The following LIMD1 variants were observed in gnomAD, a reference collection of about 807,000 sequenced individuals.
The protein encoded by LIMD1 is LIM domain-containing protein 1.
Under a neutral mutation model 58.4 loss-of-function variants are expected in LIMD1, and 23 were observed. The ratio of observed to expected loss-of-function variants is 0.39; its 90% confidence interval spans 0.28 to 0.56. The LOEUF (loss-of-function observed/expected upper bound fraction) is 0.56, where lower values mean the gene tolerates loss of function less well. Among genes scored for constraint, LIMD1 ranks in the 20% least tolerant of loss-of-function variants. LIMD1 has a pLI of 0.57. For missense variants in LIMD1, 838 were observed against 855.5 expected, an observed-to-expected ratio of 0.98 and a Z score of 0.25; for synonymous variants, 334 against 345.5, an observed-to-expected ratio of 0.97 and a Z score of 0.37.
intron 2 of LIMD1, among the ~76,000 whole-genome samples, chr3:45,658,249 A>G (rs1293651085): frequency 1.3e-5 from 2 of 152,172 alleles, no homozygotes; most frequent in Non-Finnish European, 2.9e-5. Context: ...CTTCAGAGCA[A>G]ACTAAGCCCC....
chr3:45,672,934 C>A, intron 5 of LIMD1, 114 bp downstream of exon 5: 1 of 1,261,732 alleles, frequency 7.9e-7, no homozygotes, highest in Non-Finnish European at 1.1e-6. Flanking sequence ...AGATCACAGT[C>A]CAGCAAAGGC....
chr3:45,669,192 C>T (rs913987678), intron 4 of LIMD1, among the ~76,000 whole-genome samples: 16 of 152,278 alleles, frequency 1.1e-4, no homozygotes, highest in African/African-American at 3.9e-4. Flanking sequence ...GGCTTCAGGT[C>T]TTCAGTGGGG....
intron 1 of LIMD1, chr3:45,634,867 G>T (rs930513357): frequency 6.6e-6 from 1 of 152,336 alleles, no homozygotes; most frequent in South Asian, 2.1e-4. Context: ...GACACCCAGA[G>T]AGCTGATCAC....
At chr3:45,606,883 T>C (rs935671863) in intron 1 of LIMD1, among the ~76,000 whole-genome samples, 1 of 152,146 alleles carries the variant, frequency 6.6e-6, no homozygotes, top group East Asian at 1.9e-4. Context: ...CAACCTTGCT[T>C]CCGAGTTTCA....
At chr3:45,661,802 A>T (rs922770668) in intron 2 of LIMD1, among the ~76,000 whole-genome samples, 7 of 152,226 alleles carry the variant, frequency 4.6e-5, no homozygotes, top group African/African-American at 1.4e-4. Flanking sequence ...TCTATTGCCC[A>T]GGCTGGCGTG....
intron 1 of LIMD1, among the ~76,000 whole-genome samples, chr3:45,614,568 A>C (rs267226): frequency 0.58 from 88,375 of 151,290 alleles, 26,627 homozygotes; most frequent in Non-Finnish European, 0.67. Flanking sequence ...ACGAAAAATA[A>C]AAAAATTAGC....
chr3:45,598,862 G>A (rs573374337), intron 1 of LIMD1, among the ~76,000 whole-genome samples: 2 of 152,328 alleles, frequency 1.3e-5, no homozygotes, highest in African/African-American at 4.8e-5. Flanking sequence ...TGTAGGCCTG[G>A]TCTGTGCTGG....
In LIMD1 at chr3:45,678,399, A is replaced by AAT. The variant is rs1211603747; in HGVS notation, c.*1340_*1341insAT. On this transcript the variant is annotated 3_prime_UTR_variant, in exon 8 of 8. Coordinates refer to ENST00000273317, the MANE Select transcript of LIMD1 (RefSeq NM_014240.3). ...GGTCAGTGGGGAATAGATCCGATTC[A>AAT]GTGCTTTTGCCTTATGCATTTCAGC... 6.6e-6 allele frequency: 1 copy of AAT among 152,656 alleles called. No individual in the cohort carries two copies. Among genetic ancestry groups the AAT allele is most frequent in the Non-Finnish European group, 1.5e-5 (1 of 68,068 alleles). The allele number at this position is 152,656 out of a possible 1,614,324, so 9.5% of individuals were successfully genotyped here.
At chr3:45,673,696 T>A (rs947815199) in intron 6 of LIMD1, 191 bp downstream of exon 6, 1 of 611,036 alleles carries the variant, frequency 1.6e-6, no homozygotes, top group African/African-American at 1.8e-5. Context: ...GGAAAATTGC[T>A]TGAGGCCTGG....
At chr3:45,629,151 C>T (rs1413149387) in intron 1 of LIMD1, among the ~76,000 whole-genome samples, 3 of 152,036 alleles carry the variant, frequency 2.0e-5, no homozygotes, top group South Asian at 2.1e-4. Flanking sequence ...CGGTGGTTCA[C>T]GCCTGTATTC....
At chr3:45,614,028 C>A (rs1000996590) in intron 1 of LIMD1, among the ~76,000 whole-genome samples, 2 of 152,144 alleles carry the variant, frequency 1.3e-5, no homozygotes, top group African/African-American at 2.4e-5. Context: ...GCTTTCTAAG[C>A]CACCTGTTCT....
intron 4 of LIMD1, among the ~76,000 whole-genome samples, chr3:45,670,111 A>G (rs189845160): frequency 7.9e-5 from 12 of 152,302 alleles, no homozygotes; most frequent in African/African-American, 2.6e-4. Flanking sequence ...GGAGGTAGGC[A>G]GAAGCTACAT....
At chr3:45,653,778 T>TGGGA (rs1701997046) in intron 2 of LIMD1, among the ~76,000 whole-genome samples, 1 of 151,576 alleles carries the variant, frequency 6.6e-6, no homozygotes, top group Non-Finnish European at 1.5e-5. Flanking sequence ...GGAGTGATGG[T>TGGGA]GCATGCCTGT....
At position 45,678,280 on chromosome 3, in the gene LIMD1, C is replaced by T. The variant is rs1697697100; in HGVS notation, c.*1221C>T. On this transcript the variant is annotated 3_prime_UTR_variant, in exon 8 of 8. Coordinates refer to ENST00000273317, the MANE Select transcript of LIMD1 (RefSeq NM_014240.3). ...AGATTCAGGAGGAATTTGGCTTTCA[C>T]ACTGGACTCAGATACCTTCTTCAGT... 1.3e-5 allele frequency: 2 copies of T among 152,666 alleles called. No individual in the cohort carries two copies. Among genetic ancestry groups the T allele is most frequent in the African/African-American group, 4.8e-5 (2 of 41,448 alleles). 9.5% of individuals were successfully genotyped at this position (152,666 alleles called of 1,614,324 possible).
intron 1 of LIMD1, among the ~76,000 whole-genome samples, chr3:45,622,821 C>T (rs927820195): frequency 6.6e-6 from 1 of 152,078 alleles, no homozygotes; most frequent in Non-Finnish European, 1.5e-5. Context: ...GGCGTGGCTA[C>T]TGCACCTGGC....
At chr3:45,648,100 TG>T (rs1274645862) in intron 2 of LIMD1, among the ~76,000 whole-genome samples, 1 of 56 alleles carries the variant, frequency 0.018, no homozygotes, top group Admixed American at 0.17. Context: ...TGATCAGTTT[TG>T]GGAAAAATAG....
intron 1 of LIMD1, among the ~76,000 whole-genome samples, chr3:45,628,082 GAGAT>G (rs1253195575): frequency 6.6e-6 from 1 of 151,928 alleles, no homozygotes; most frequent in Non-Finnish European, 1.5e-5. Flanking sequence ...TGATTCTTGA[GAGAT>G]AGGAAGCAAA....
At chr3:45,597,611 C>T (rs1241866869) in intron 1 of LIMD1, among the ~76,000 whole-genome samples, 2 of 152,166 alleles carry the variant, frequency 1.3e-5, no homozygotes, top group South Asian at 2.1e-4. Context: ...CGCAGAGAAT[C>T]GGAGGGGTTT....
intron 1 of LIMD1, among the ~76,000 whole-genome samples, chr3:45,600,379 T>C (rs370342420): frequency 2.6e-5 from 4 of 152,210 alleles, no homozygotes; most frequent in African/African-American, 7.2e-5. Flanking sequence ...AGTCTCAAGA[T>C]GCCCAGTTTC....
Sources: allele counts gnomAD v4.1 joint callset (sites outside exome capture counted in the v4.1 genomes callset), GRCh38; gene constraint gnomAD v4.1.1; transcripts MANE v1.5; gene names NCBI Gene and HGNC (gene_info 2026-07-23, HGNC 2026-07-21).